The following HHIP variants were observed in gnomAD, a reference collection of about 807,000 sequenced individuals.
The protein encoded by HHIP is hedgehog-interacting protein.
In HHIP, 12 loss-of-function variants were observed where a neutral mutation model predicts 74.0. The observed-to-expected ratio is 0.16, with a 90% confidence interval of 0.10 to 0.26. HHIP has a LOEUF of 0.26. HHIP is among the 10% of genes least tolerant of loss of function. The probability of loss-of-function intolerance (pLI) is 1.00; values close to 1 mark genes in which losing one functional copy is unlikely to be tolerated. For synonymous variants in HHIP, 309 were observed against 311.6 expected (o/e 0.99, Z 0.09); for missense variants, 788 against 845.0 (o/e 0.93, Z 0.84).
chr4:144,730,316 T>C (rs1212750544), intron 11 of HHIP, among the ~76,000 whole-genome samples: 1 of 152,196 alleles, frequency 6.6e-6, no homozygotes, highest in African/African-American at 2.4e-5. Context: ...AGGGTTTTAG[T>C]GTTTCATTAT....
In HHIP at chr4:144,716,854, GAAAAAAAAAAAAAAAAAAAAA is replaced by G. The variant is rs869028218; in HGVS notation, c.1678+1438_1678+1458del. Among the ~76,000 whole-genome samples the G allele has an allele frequency of 8.9e-3, 485 of 54,692 alleles. 6 individuals carry two copies. Among genetic ancestry groups the G allele is most frequent in the African/African-American group, 0.028 (441 of 16,034 alleles). The allele number at this position is 54,692 out of a possible 152,430, so 35.9% of individuals were successfully genotyped here. ...ACATGAGCAAAACTCCGTCTCAAAA[GAAAAAAAAAAAAAAAAAAAAA>G]AAAAAAAAAAAAAGTAAAAGAATGG... On this transcript the variant is annotated intron_variant, in intron 10 of 12. Transcript: ENST00000296575.
chr4:144,725,659 C>CGTGT (rs1171798037), intron 11 of HHIP, among the ~76,000 whole-genome samples: 7 of 141,812 alleles, frequency 4.9e-5, no homozygotes, highest in Admixed American at 2.8e-4. Context: ...GGTGTGTGCG[C>CGTGT]GTGCGTGTGT....
At chr4:144,674,869 T>C (rs1350326753) in intron 4 of HHIP, among the ~76,000 whole-genome samples, 1 of 152,190 alleles carries the variant, frequency 6.6e-6, no homozygotes, top group Non-Finnish European at 1.5e-5. Flanking sequence ...ATTACTTTTA[T>C]GATGTGCCCT....
In HHIP at chr4:144,659,969, A is replaced by G. The variant is rs950264237; in HGVS notation, c.831+131A>G. The G allele has an allele frequency of 4.5e-6, 3 of 660,504 alleles. No homozygotes were observed. In the African/African-American group the frequency reaches 5.5e-5, roughly 12 times the overall value. The allele number at this position is 660,504 out of a possible 1,614,324, so 40.9% of individuals were successfully genotyped here. ...GCAGGAGAAAATAAGGGGGCAACAT[A>G]AGAAACAATAATTATGGCACCTGAA... On this transcript the variant is annotated intron_variant, in intron 4 of 12. Transcript: ENST00000296575.
chr4:144,701,857 C>T (rs922257640), intron 4 of HHIP, among the ~76,000 whole-genome samples: 1 of 152,030 alleles, frequency 6.6e-6, no homozygotes, highest in African/African-American at 2.4e-5. Context: ...GTCAGTATTT[C>T]CTGAAGGACA....
At chr4:144,676,448 T>A (rs1441608109) in intron 4 of HHIP, among the ~76,000 whole-genome samples, 1 of 152,240 alleles carries the variant, frequency 6.6e-6, no homozygotes, top group Non-Finnish European at 1.5e-5. Flanking sequence ...ATTGTTTGTA[T>A]GTTTGTTTTT....
intron 4 of HHIP, among the ~76,000 whole-genome samples, chr4:144,668,485 G>A (rs1280902630): frequency 1.3e-5 from 2 of 152,172 alleles, no homozygotes; most frequent in Non-Finnish European, 2.9e-5. Context: ...CGCTCTTAGT[G>A]GCTCACGCCT....
chr4:144,694,944 C>T (rs1729771998), intron 4 of HHIP, among the ~76,000 whole-genome samples: 1 of 151,530 alleles, frequency 6.6e-6, no homozygotes, highest in Non-Finnish European at 1.5e-5. Context: ...GTTAATGGTT[C>T]TTATGTTTGT....
chr4:144,667,424 C>T (rs931767417), intron 4 of HHIP, among the ~76,000 whole-genome samples: 20 of 152,130 alleles, frequency 1.3e-4, no homozygotes, highest in Non-Finnish European at 2.6e-4. Context: ...TGTTAGCATT[C>T]GCACCAAAAT....
At chr4:144,661,119 T>C (rs1357866212) in intron 4 of HHIP, among the ~76,000 whole-genome samples, 7 of 152,192 alleles carry the variant, frequency 4.6e-5, no homozygotes, top group Admixed American at 4.6e-4. Context: ...TGTTTCTACC[T>C]CAATTTGACT....
chr4:144,646,986 T>G, intron 1 of HHIP, 32 bp downstream of exon 1: 1 of 1,546,660 alleles, frequency 6.5e-7, no homozygotes, highest in African/African-American at 1.4e-5. Flanking sequence ...GGATGCGTAC[T>G]TGGCATATTG....
intron 4 of HHIP, among the ~76,000 whole-genome samples, chr4:144,682,052 A>G (rs1295098697): frequency 6.6e-6 from 1 of 152,202 alleles, no homozygotes; most frequent in Non-Finnish European, 1.5e-5. Context: ...TGTAAAATTA[A>G]TCTTCATTGT....
intron 10 of HHIP, among the ~76,000 whole-genome samples, chr4:144,718,351 T>C (rs1403039726): frequency 1.3e-5 from 2 of 152,156 alleles, no homozygotes; most frequent in Middle Eastern, 6.3e-3. Flanking sequence ...GCTGGGAACT[T>C]GCCTCTCCTG....
chr4:144,687,525 A>G (rs1729524313), intron 4 of HHIP, among the ~76,000 whole-genome samples: 2 of 152,174 alleles, frequency 1.3e-5, no homozygotes, highest in South Asian at 4.1e-4. Flanking sequence ...AGGAATCAAG[A>G]AAGTTTACTA....
intron 6 of HHIP, 103 bp from the exon 7 acceptor site, chr4:144,708,065 A>C: frequency 8.2e-7 from 1 of 1,218,682 alleles, no homozygotes. Context: ...TATTTCAACT[A>C]AGGGGATGAT....
At chr4:144,658,566 G>A (rs1027176171) in intron 2 of HHIP, among the ~76,000 whole-genome samples, 5 of 151,412 alleles carry the variant, frequency 3.3e-5, no homozygotes, top group African/African-American at 9.7e-5. Flanking sequence ...ACGGGGTTTC[G>A]CCATGTTGAC....
intron 10 of HHIP, among the ~76,000 whole-genome samples, chr4:144,717,855 AC>A (rs1220830551): frequency 6.6e-6 from 1 of 152,154 alleles, no homozygotes; most frequent in African/African-American, 2.4e-5. Context: ...AGAAGGCACA[AC>A]CCAATTTCAT....
intron 4 of HHIP, among the ~76,000 whole-genome samples, chr4:144,666,793 A>C (rs542073286): frequency 3.8e-4 from 58 of 152,312 alleles, no homozygotes; most frequent in African/African-American, 1.4e-3. Flanking sequence ...GGTTCTGACC[A>C]CTGTTCCTAC....
intron 4 of HHIP, among the ~76,000 whole-genome samples, chr4:144,674,054 G>C (rs770485946): frequency 6.6e-5 from 10 of 152,322 alleles, no homozygotes; most frequent in Non-Finnish European, 1.0e-4. Flanking sequence ...TTCCTTGAGA[G>C]AATTCCCATG....
Sources: allele counts gnomAD v4.1 joint callset (sites outside exome capture counted in the v4.1 genomes callset), GRCh38; gene constraint gnomAD v4.1.1; transcripts MANE v1.5; gene names NCBI Gene and HGNC (gene_info 2026-07-23, HGNC 2026-07-21).